The following SKI variants were observed in gnomAD, a reference collection of about 807,000 sequenced individuals.
The protein encoded by SKI is SKI proto-oncogene.
SKI carries 23 observed loss-of-function variants against 59.3 expected under a neutral mutation model. The ratio of observed to expected loss-of-function variants is 0.39; its 90% CI spans 0.28 to 0.55. The LOEUF (loss-of-function observed/expected upper bound fraction) is 0.55. Ranked by LOEUF, SKI falls within the 20% of genes least tolerant of loss-of-function variation. The probability of loss-of-function intolerance (pLI) is 0.67; values close to 1 mark genes in which losing one functional copy is unlikely to be tolerated. For synonymous variants in SKI, 673 were observed against 488.6 expected (o/e 1.38, Z -4.98); for missense variants, 1,017 against 1,038.9 (o/e 0.98, Z 0.29).
intron 1 of SKI, among the ~76,000 whole-genome samples, chr1:2,285,541 C>G (rs985596624): frequency 1.3e-5 from 2 of 150,414 alleles, no homozygotes; most frequent in African/African-American, 4.9e-5. Context: ...ACAAACAACT[C>G]TTCCTTTGAA....
chr1:2,269,292 G>A lies in SKI; in HGVS notation c.970-33686G>A, dbSNP rs558327230. Among the ~76,000 whole-genome samples, 6 of 152,224 alleles carry A rather than the reference G, an allele frequency of 3.9e-5. No individual in the cohort carries two copies. Among genetic ancestry groups the A allele is most frequent in the Admixed American group, 6.5e-5 (1 of 15,288 alleles). ...GATCCAGCCCTGGGAAGAAAGCACCGCTGGCCATGACTGGGCAGAGCCAGA... is the reference window on the plus strand; with the variant it reads ...GATCCAGCCCTGGGAAGAAAGCACCACTGGCCATGACTGGGCAGAGCCAGA... On this transcript the variant is annotated intron_variant, in intron 1 of 6. Transcript: ENST00000378536. The surrounding 1 kb of genome is among the most constrained non-coding windows in gnomAD (Gnocchi z 4.7).
chr1:2,259,750 A>AT (rs1443684817), intron 1 of SKI, among the ~76,000 whole-genome samples: 1 of 152,166 alleles, frequency 6.6e-6, no homozygotes, highest in Non-Finnish European at 1.5e-5. Flanking sequence ...GGGCCTGTAG[A>AT]TTCGTTGCCT....
In SKI at chr1:2,303,374, A is replaced by C; in HGVS notation, c.1185A>C (p.Pro395=). Reference sequence around the variant, plus strand: ...CAGCGAGTGAGAAAGAGCTCTCCCCACACCTCCCGGCCCTCATCCGAGACA... The same window carrying C: ...CAGCGAGTGAGAAAGAGCTCTCCCCCCACCTCCCGGCCCTCATCCGAGACA... ...AVSASEKELS[P]HLPALIRDSF... The change falls in exon 3 of 7, where the codon CCA becomes CCC. Residue 395 remains proline (P), a synonymous_variant. Transcript: ENST00000378536. This position sits in a 1 kb window ranked among gnomAD's most constrained non-coding sequence, Gnocchi z 5.6. 6.2e-7 allele frequency: 1 copy of C among 1,613,144 alleles called. No homozygotes were observed.
intron 1 of SKI, among the ~76,000 whole-genome samples, chr1:2,301,699 G>A (rs1013266217): frequency 1.3e-5 from 2 of 151,944 alleles, no homozygotes; most frequent in Admixed American, 6.6e-5. Context: ...GAGTCCTGGA[G>A]GTGGGAAGAG....
At chr1:2,289,220 A>C (rs1469189373) in intron 1 of SKI, among the ~76,000 whole-genome samples, 1 of 152,180 alleles carries the variant, frequency 6.6e-6, no homozygotes, top group Non-Finnish European at 1.5e-5. Flanking sequence ...CTCTCTAGGC[A>C]GGGAGCTCAG....
chr1:2,273,584 G>A (rs964199140), intron 1 of SKI, among the ~76,000 whole-genome samples: 6 of 152,158 alleles, frequency 3.9e-5, no homozygotes, highest in Non-Finnish European at 8.8e-5. Flanking sequence ...CCCCAGCCTT[G>A]TGAGCCAGGG....
chr1:2,229,734 G>C lies in SKI; in HGVS notation c.968G>C (p.Arg323Pro). The C allele has an allele frequency of 6.4e-7, 1 of 1,557,552 alleles. No homozygotes were observed. The highest frequency in any genetic ancestry group is 1.2e-5 in the South Asian group (1 of 84,992). Residue 323 changes from arginine (R) to proline (P), a missense_variant and splice_region_variant, in exon 1 of 7, where the codon CGG becomes CCG. Arg to Pro is a moderately radical substitution (Grantham distance 103). Transcript: ENST00000378536. This position sits in a 1 kb window ranked among gnomAD's most constrained non-coding sequence, Gnocchi z 6.3. ...YGNKYKRRVP[R>P]VSSEPPASIR... ...AACAAGTACAAGCGGCGGGTGCCCC[G>C]GGTGAGTGGCCCCAGGCCTGGGAGC...
rs114330959 is a variant in SKI, at chr1:2,304,622, C to T, written c.1767+37C>T. On this transcript the variant is annotated intron_variant, in intron 5 of 6. Coordinates refer to ENST00000378536, the MANE Select transcript of SKI (RefSeq NM_003036.4). ...GAGTGGTGCTGGGAGGTCCAGGGCA[C>T]GGGCAGTGAGCACAGCCTGCACCAG... 1,954 of 1,521,656 alleles carry T rather than the reference C, an allele frequency of 1.3e-3. 30 individuals carry two copies. In the African/African-American group the frequency reaches 0.024, roughly 19 times the overall value. 94.3% of individuals were successfully genotyped at this position (1,521,656 alleles called of 1,614,324 possible). A position where few individuals can be genotyped will look rare whatever the true frequency, so the allele number is the denominator to read the frequency against.
At chr1:2,298,862 C>T (rs1174285475) in intron 1 of SKI, among the ~76,000 whole-genome samples, 2 of 152,232 alleles carry the variant, frequency 1.3e-5, no homozygotes, top group African/African-American at 4.8e-5. Flanking sequence ...CCTTGGTGCC[C>T]AGAGCTCACC....
intron 1 of SKI, among the ~76,000 whole-genome samples, chr1:2,284,836 G>A (rs1450299425): frequency 1.3e-5 from 2 of 152,232 alleles, no homozygotes; most frequent in Non-Finnish European, 2.9e-5. Context: ...GGTGGCTGGA[G>A]AGTGAGAGTG....
chr1:2,243,456 C>T (rs989381839), intron 1 of SKI, among the ~76,000 whole-genome samples: 14 of 152,194 alleles, frequency 9.2e-5, no homozygotes, highest in Admixed American at 6.5e-5. Flanking sequence ...CTGGTCTGCG[C>T]GTGTGCTCTC....
chr1:2,247,721 G>A (rs1639029401), intron 1 of SKI, among the ~76,000 whole-genome samples: 2 of 152,202 alleles, frequency 1.3e-5, no homozygotes, highest in Admixed American at 1.3e-4. Flanking sequence ...AGGAGCCCAG[G>A]GCCTGCTCCT....
chr1:2,266,785 G>A (rs1213887123), intron 1 of SKI, among the ~76,000 whole-genome samples: 1 of 152,258 alleles, frequency 6.6e-6, no homozygotes, highest in African/African-American at 2.4e-5. Context: ...TGGTGCTGTC[G>A]TCACAGCGGC....
chr1:2,240,979 A>G (rs971995100), intron 1 of SKI, among the ~76,000 whole-genome samples: 32 of 152,342 alleles, frequency 2.1e-4, no homozygotes, highest in African/African-American at 7.5e-4. Flanking sequence ...CAGGATGCAC[A>G]CAGGAGCTGC....
intron 1 of SKI, among the ~76,000 whole-genome samples, chr1:2,262,465 A>C (rs547425137): frequency 4.0e-4 from 54 of 136,560 alleles, no homozygotes; most frequent in Middle Eastern, 5.4e-3. Flanking sequence ...CTCGCTCCTG[A>C]TCTCCTGATC....
At chr1:2,251,270 T>C (rs1639141932) in intron 1 of SKI, among the ~76,000 whole-genome samples, 1 of 152,184 alleles carries the variant, frequency 6.6e-6, no homozygotes, top group Admixed American at 6.5e-5. Flanking sequence ...CAGGTCTGGG[T>C]ATCTGCTGAT....
rs1030112708 is a variant in SKI, at chr1:2,304,549, C to T, written c.1731C>T (p.Leu577=). The change falls in exon 5 of 7, where the codon CTC becomes CTT. Residue 577 remains leucine (L), a synonymous_variant. Transcript: ENST00000378536. The part of the protein sequence containing the change: ...VKMRVKQEEK[L]SAALQAKRSL... Reference sequence around the variant, plus strand: ...TGCGCGTGAAGCAGGAGGAGAAGCTCAGCGCAGCCCTGCAGGCCAAGCGCA... The same window carrying T: ...TGCGCGTGAAGCAGGAGGAGAAGCTTAGCGCAGCCCTGCAGGCCAAGCGCA... The T allele has an allele frequency of 2.5e-6, 4 of 1,572,632 alleles. No individual in the cohort carries two copies. The highest frequency in any genetic ancestry group is 1.4e-5 in the African/African-American group (1 of 73,814).
chr1:2,285,624 G>C (rs1640022331), intron 1 of SKI, among the ~76,000 whole-genome samples: 1 of 150,792 alleles, frequency 6.6e-6, no homozygotes, highest in Non-Finnish European at 1.5e-5. Flanking sequence ...GAGTGCAGTG[G>C]CGTGATCTCA....
chr1:2,303,842 TCTACTC>T lies in SKI; in HGVS notation c.1219_1224del (p.Ser407_Tyr408del). 1.2e-6 allele frequency: 2 copies of T among 1,612,446 alleles called. No individual in the cohort carries two copies. Among genetic ancestry groups the T allele is most frequent in the Non-Finnish European group, 8.5e-7 (1 of 1,179,754 alleles). On this transcript the variant is annotated inframe_deletion, in exon 4 of 7. Transcript: ENST00000378536. This position sits in a 1 kb window ranked among gnomAD's most constrained non-coding sequence, Gnocchi z 5.6. ...CCGACACCCGCCTGCCCCTCCAGCT[TCTACTC>T]CTACAAGAGCTTTGAGACAGCCGTG... is the stretch of plus-strand genomic sequence containing the variant.
Sources: gnomAD v4.1 joint callset for allele counts (sites outside exome capture counted in the v4.1 genomes callset) on GRCh38, gnomAD v4.1.1 for gene constraint, Gnocchi (gnomAD v3.1) non-coding constraint, MANE v1.5 for transcripts, NCBI Gene and HGNC (gene_info 2026-07-23, HGNC 2026-07-21) for gene names.